Variants in MYO18B observed in about 807,000 individuals in gnomAD.
MYO18B encodes myosin XVIIIB, also known as unconventional myosin-XVIIIb.
In MYO18B, 204 loss-of-function variants were observed where a neutral mutation model predicts 273.0. The observed-to-expected ratio is 0.75, with a 90% CI of 0.67 to 0.84. MYO18B has a LOEUF of 0.84. Ranked by LOEUF, MYO18B falls within the 40% of genes least tolerant of loss-of-function variation. The pLI is 0.00. For missense variants in MYO18B, 3,212 were observed against 3,287.6 expected (o/e 0.98, Z 0.56); for synonymous variants, 1,330 against 1,305.7 (o/e 1.02, Z -0.40).
intron 34 of MYO18B, among the ~76,000 whole-genome samples, chr22:25,943,465 A>C (rs1331368208): frequency 6.6e-6 from 1 of 152,126 alleles, no homozygotes; most frequent in Non-Finnish European, 1.5e-5. Flanking sequence ...TTCCTGGCAG[A>C]CTGAAATAAA....
At chr22:25,781,628 G>T (rs1267435699) in intron 9 of MYO18B, 106 bp from the exon 10 acceptor site, 198 of 292,124 alleles carry the variant, frequency 6.8e-4, no homozygotes, top group Non-Finnish European at 9.7e-4. Flanking sequence ...AAAAAAAAGA[G>T]TGGATCAGAG....
intron 3 of MYO18B, among the ~76,000 whole-genome samples, chr22:25,764,086 G>A (rs1005290423): frequency 3.9e-5 from 6 of 152,162 alleles, no homozygotes; most frequent in African/African-American, 1.4e-4. Context: ...TAATTACAGG[G>A]TTAATGCTTG....
chr22:25,860,055 A>G (rs972549848), intron 21 of MYO18B, among the ~76,000 whole-genome samples: 3 of 152,188 alleles, frequency 2.0e-5, no homozygotes, highest in Non-Finnish European at 2.9e-5. Flanking sequence ...GCATATGGAT[A>G]TTCAATTGTC....
intron 12 of MYO18B, among the ~76,000 whole-genome samples, chr22:25,819,138 C>T (rs1464255297): frequency 3.3e-5 from 5 of 152,206 alleles, no homozygotes; most frequent in Non-Finnish European, 5.9e-5. Context: ...GGCCAGCCTT[C>T]GGGGAGCTGA....
At chr22:25,977,112 T>C (rs2093098336) in intron 39 of MYO18B, among the ~76,000 whole-genome samples, 1 of 152,106 alleles carries the variant, frequency 6.6e-6, no homozygotes, top group African/African-American at 2.4e-5. Context: ...GCCTGGGGAA[T>C]CCAAACAGAT....
At chr22:26,010,289 A>G (rs1934794747) in intron 42 of MYO18B, among the ~76,000 whole-genome samples, 1 of 152,148 alleles carries the variant, frequency 6.6e-6, no homozygotes, top group Admixed American at 6.5e-5. Context: ...TACTTTAGCC[A>G]GTTTGATTCC....
At chr22:25,815,782 G>T (rs1601780972) in intron 12 of MYO18B, among the ~76,000 whole-genome samples, 3 of 152,294 alleles carry the variant, frequency 2.0e-5, no homozygotes, top group Middle Eastern at 6.8e-3. Context: ...CTGCAAGAGG[G>T]AAACCTGTTT....
intron 39 of MYO18B, among the ~76,000 whole-genome samples, chr22:25,979,741 C>G (rs529817445): frequency 1.3e-5 from 2 of 152,176 alleles, no homozygotes; most frequent in African/African-American, 4.8e-5. Flanking sequence ...GCAAACCTTG[C>G]GACTGAAAAA....
intron 42 of MYO18B, among the ~76,000 whole-genome samples, chr22:26,024,679 C>G (rs1936106605): frequency 2.0e-5 from 3 of 152,158 alleles, no homozygotes; most frequent in Admixed American, 2.0e-4. Context: ...TTAGCCGGGC[C>G]CATCATTGCC....
intron 42 of MYO18B, among the ~76,000 whole-genome samples, chr22:26,019,159 A>G (rs1391673685): frequency 6.6e-6 from 1 of 151,986 alleles, no homozygotes; most frequent in African/African-American, 2.4e-5. Flanking sequence ...TTCTGCTGCT[A>G]TGTGCTGAAA....
intron 33 of MYO18B, among the ~76,000 whole-genome samples, chr22:25,920,970 G>A (rs1376288250): frequency 2.6e-5 from 4 of 152,130 alleles, no homozygotes; most frequent in African/African-American, 7.2e-5. Context: ...GGATCCATAC[G>A]GGCTATGATA....
intron 16 of MYO18B, among the ~76,000 whole-genome samples, chr22:25,833,860 CT>C (rs147038534): frequency 6.6e-6 from 1 of 152,342 alleles, no homozygotes; most frequent in East Asian, 1.9e-4. Flanking sequence ...CCTTTTCTTC[CT>C]TCCTTGTCTC....
intron 12 of MYO18B, among the ~76,000 whole-genome samples, chr22:25,802,770 A>AC (rs2088271495): frequency 6.7e-6 from 1 of 149,374 alleles, no homozygotes; most frequent in South Asian, 2.1e-4. Flanking sequence ...AAAAAAAAAA[A>AC]AAAAAACCCC....
At chr22:25,791,786 C>T (rs2087672441) in intron 11 of MYO18B, among the ~76,000 whole-genome samples, 1 of 152,178 alleles carries the variant, frequency 6.6e-6, no homozygotes, top group African/African-American at 2.4e-5. Context: ...ATCACTCACT[C>T]GTGCCAGGGG....
intron 15 of MYO18B, 31 bp from the exon 16 acceptor site, chr22:25,832,886 G>T: frequency 2.5e-6 from 4 of 1,600,338 alleles, no homozygotes; most frequent in Non-Finnish European, 3.4e-6. Context: ...CTCGCTAAAA[G>T]TGCTAACTTT....
the MYO18B span, among the ~76,000 whole-genome samples, chr22:26,063,313 C>A: frequency 3.3e-5 from 5 of 152,114 alleles, no homozygotes; most frequent in African/African-American, 1.2e-4. Flanking sequence ...TGAGAAGAAC[C>A]CGATGCGTGA....
chr22:25,823,041 T>C (rs2089343040), intron 12 of MYO18B, among the ~76,000 whole-genome samples: 1 of 152,170 alleles, frequency 6.6e-6, no homozygotes, highest in Non-Finnish European at 1.5e-5. Flanking sequence ...TCTTTCCTAC[T>C]GTCTTGTGAA....
chr22:25,842,363 G>T (rs992845682), intron 17 of MYO18B, among the ~76,000 whole-genome samples: 2 of 152,114 alleles, frequency 1.3e-5, no homozygotes, highest in African/African-American at 4.8e-5. Flanking sequence ...ATGATAATCT[G>T]ACCACTCTTA....
intron 12 of MYO18B, among the ~76,000 whole-genome samples, chr22:25,799,248 A>G (rs1022553223): frequency 2.0e-5 from 3 of 151,390 alleles, no homozygotes; most frequent in Non-Finnish European, 4.4e-5. Context: ...CCTTTCTACA[A>G]CATAGACCCG....
Sources: gnomAD v4.1 joint callset for allele counts (sites outside exome capture counted in the v4.1 genomes callset) on GRCh38, gnomAD v4.1.1 for gene constraint, MANE v1.5 for transcripts, NCBI Gene and HGNC (gene_info 2026-07-23, HGNC 2026-07-21) for gene names.